Variants in VPS13B observed in about 807,000 individuals in gnomAD.
VPS13B encodes vacuolar protein sorting 13 homolog B, also known as intermembrane lipid transfer protein VPS13B.
Under a neutral mutation model 426.4 loss-of-function variants are expected in VPS13B, and 285 were observed. The observed-to-expected ratio is 0.67, with a 90% confidence interval of 0.61 to 0.74. The LOEUF is 0.74. VPS13B is among the 30% of genes least tolerant of loss of function. The pLI, the probability that VPS13B is intolerant of heterozygous loss-of-function variation, is 0.00. For missense variants in VPS13B, 4,537 were observed against 4,782.6 expected, an observed-to-expected ratio of 0.95 and a Z score of 1.51; for synonymous variants, 1,676 against 1,676.4, an observed-to-expected ratio of 1.00 and a Z score of 0.01.
chr8:99,061,433 G>T (rs1186074359), intron 3 of VPS13B, among the ~76,000 whole-genome samples: 1 of 151,436 alleles, frequency 6.6e-6, no homozygotes, highest in South Asian at 2.1e-4. Context: ...GATTATAGTG[G>T]GGTCTTACTA....
chr8:99,047,508 T>A (rs892326084), intron 3 of VPS13B, among the ~76,000 whole-genome samples: 1 of 152,150 alleles, frequency 6.6e-6, no homozygotes, highest in African/African-American at 2.4e-5. Context: ...TTTGTATTGT[T>A]TTTTGTTTCA....
chr8:99,254,241 TG>T (rs1588177271), intron 17 of VPS13B, among the ~76,000 whole-genome samples: 1 of 152,256 alleles, frequency 6.6e-6, no homozygotes, highest in East Asian at 1.9e-4. Context: ...ACATTTTTTT[TG>T]TTTGTTTTAG....
At chr8:99,150,073 T>C (rs2132605122) in intron 14 of VPS13B, among the ~76,000 whole-genome samples, 1 of 152,344 alleles carries the variant, frequency 6.6e-6, no homozygotes, top group East Asian at 1.9e-4. Context: ...ATTAACTATA[T>C]GCATTAACTT....
chr8:99,500,782 G>A (rs1821187282), intron 25 of VPS13B, among the ~76,000 whole-genome samples: 1 of 152,162 alleles, frequency 6.6e-6, no homozygotes, highest in African/African-American at 2.4e-5. Flanking sequence ...ATACTTCATA[G>A]CTAATCCTAA....
At chr8:99,538,479 A>T (rs1408837003) in intron 30 of VPS13B, among the ~76,000 whole-genome samples, 2 of 151,996 alleles carry the variant, frequency 1.3e-5, no homozygotes, top group Non-Finnish European at 2.9e-5. Context: ...GATAGCTCTA[A>T]AGGAATATAT....
intron 26 of VPS13B, 129 bp from the exon 27 acceptor site, chr8:99,502,707 A>G (rs1315897364): frequency 1.3e-6 from 1 of 764,994 alleles, no homozygotes; most frequent in African/African-American, 1.7e-5. Context: ...TTATTATTCT[A>G]GAAGCTTTTG....
intron 19 of VPS13B, among the ~76,000 whole-genome samples, chr8:99,370,111 T>C (rs906845855): frequency 6.6e-6 from 1 of 152,218 alleles, no homozygotes; most frequent in African/African-American, 2.4e-5. Flanking sequence ...TATTTATACA[T>C]TTATTCAACA....
chr8:99,497,807 T>C (rs1419962032), intron 25 of VPS13B, among the ~76,000 whole-genome samples: 1 of 152,144 alleles, frequency 6.6e-6, no homozygotes, highest in African/African-American at 2.4e-5. Flanking sequence ...ATTTACTCAA[T>C]TGCTATTTTT....
intron 36 of VPS13B, among the ~76,000 whole-genome samples, chr8:99,702,225 A>G (rs1005598427): frequency 6.6e-6 from 1 of 152,224 alleles, no homozygotes; most frequent in African/African-American, 2.4e-5. Context: ...TTCTACATTC[A>G]ACTGAAATTT....
At chr8:99,203,390 A>T (rs1014079499) in intron 17 of VPS13B, among the ~76,000 whole-genome samples, 2 of 152,122 alleles carry the variant, frequency 1.3e-5, no homozygotes, top group African/African-American at 2.4e-5. Flanking sequence ...TTTATGGCAA[A>T]CTCACAGCCA....
intron 17 of VPS13B, among the ~76,000 whole-genome samples, chr8:99,206,116 A>G (rs970481834): frequency 3.9e-5 from 6 of 152,340 alleles, no homozygotes; most frequent in Middle Eastern, 3.4e-3. Flanking sequence ...AAGATTAAAT[A>G]TAAAGTCACA....
At chr8:99,133,645 T>C (rs1303880366) in intron 8 of VPS13B, among the ~76,000 whole-genome samples, 2 of 152,144 alleles carry the variant, frequency 1.3e-5, no homozygotes, top group African/African-American at 4.8e-5. Context: ...TAGACCATTG[T>C]AATATTACTA....
chr8:99,013,519 ACT>A (rs2132124309), intron 1 of VPS13B, among the ~76,000 whole-genome samples, 172 bp downstream of exon 1: 1 of 151,682 alleles, frequency 6.6e-6, no homozygotes, highest in East Asian at 1.9e-4. Flanking sequence ...TCATTCTTCC[ACT>A]CTGAGGGACC....
At chr8:99,742,924 G>T (rs1809832609) in intron 39 of VPS13B, among the ~76,000 whole-genome samples, 2 of 152,304 alleles carry the variant, frequency 1.3e-5, no homozygotes, top group South Asian at 2.1e-4. Flanking sequence ...ACAAGACAGG[G>T]ATGCCCTCTC....
At position 99,430,906 on chromosome 8, in the gene VPS13B, C is replaced by T. The variant is rs145218803; in HGVS notation, c.3083-631C>T. 8.1e-3 allele frequency among the ~76,000 whole-genome samples: 1,230 copies of T among 152,126 alleles called. 11 individuals are homozygous for T. The highest frequency in any genetic ancestry group is 0.04 in the South Asian group (192 of 4,818). On this transcript the variant is annotated intron_variant, in intron 21 of 61. Coordinates refer to ENST00000357162, the MANE Select transcript of VPS13B (RefSeq NM_152564.5). ...GCTACTTTTGTAGTTTTAGTAGAGA[C>T]GGGGTTTCACCATGTTAGCCAGGCT... is the stretch of plus-strand genomic sequence containing the variant.
chr8:99,310,627 G>A (rs1038862238), intron 19 of VPS13B, among the ~76,000 whole-genome samples: 1 of 152,162 alleles, frequency 6.6e-6, no homozygotes, highest in East Asian at 1.9e-4. Context: ...GTGTTCATCA[G>A]GGATATTGGT....
chr8:99,806,670 C>A (rs931078641), intron 43 of VPS13B, among the ~76,000 whole-genome samples: 6 of 152,182 alleles, frequency 3.9e-5, no homozygotes, highest in Non-Finnish European at 5.9e-5. Context: ...ATCAGGTGAT[C>A]TAACACAAAT....
At chr8:99,372,764 C>G (rs565826212) in intron 19 of VPS13B, among the ~76,000 whole-genome samples, 1 of 152,314 alleles carries the variant, frequency 6.6e-6, no homozygotes, top group South Asian at 2.1e-4. Flanking sequence ...GGCAATTCCT[C>G]AAGGATCTAG....
intron 39 of VPS13B, among the ~76,000 whole-genome samples, chr8:99,743,655 C>CA (rs1298619003): frequency 6.6e-6 from 1 of 152,134 alleles, no homozygotes; most frequent in Non-Finnish European, 1.5e-5. Flanking sequence ...ACAGAACCCT[C>CA]AGAAATAATG....
Sources: allele counts gnomAD v4.1 joint callset (sites outside exome capture counted in the v4.1 genomes callset), GRCh38; gene constraint gnomAD v4.1.1; transcripts MANE v1.5; gene names NCBI Gene and HGNC (gene_info 2026-07-23, HGNC 2026-07-21).